FAF1: variants seen among roughly 807,000 people sequenced by gnomAD.
FAF1 encodes the protein Fas associated factor 1, also known as FAS-associated factor 1.
In FAF1, 25 loss-of-function variants were observed where a neutral mutation model predicts 92.5. That is an observed-to-expected ratio of 0.27 (90% confidence interval 0.20 to 0.38). FAF1 has a LOEUF of 0.38. Among genes scored for constraint, FAF1 ranks in the 10% least tolerant of loss-of-function variants. The pLI is 1.00. For missense variants in FAF1, 636 were observed against 793.3 expected (o/e 0.80, Z 2.38); for synonymous variants, 234 against 273.2 (o/e 0.86, Z 1.42).
At chr1:50,883,385 C>G (rs1041919149) in intron 1 of FAF1, among the ~76,000 whole-genome samples, 1 of 152,092 alleles carries the variant, frequency 6.6e-6, no homozygotes, top group Admixed American at 6.6e-5. Flanking sequence ...AACTAAATGA[C>G]CAAACTAAGT....
intron 8 of FAF1, among the ~76,000 whole-genome samples, chr1:50,614,641 A>G (rs1262998563): frequency 6.6e-6 from 1 of 152,106 alleles, no homozygotes; most frequent in Non-Finnish European, 1.5e-5. Flanking sequence ...GGAGTTCGAG[A>G]CCAGTCTGAC....
chr1:50,868,050 C>G (rs551612007), intron 1 of FAF1, among the ~76,000 whole-genome samples: 1 of 152,196 alleles, frequency 6.6e-6, no homozygotes, highest in East Asian at 1.9e-4. Context: ...AGTTGAAGAC[C>G]ATCATTCTAA....
chr1:50,674,290 C>T (rs558436020), intron 7 of FAF1, among the ~76,000 whole-genome samples: 1 of 152,052 alleles, frequency 6.6e-6, no homozygotes, highest in South Asian at 2.1e-4. Context: ...ATGACACATC[C>T]CTAAAAACTG....
intron 6 of FAF1, among the ~76,000 whole-genome samples, chr1:50,707,451 C>A (rs1657726795): frequency 6.6e-6 from 1 of 152,156 alleles, no homozygotes; most frequent in Non-Finnish European, 1.5e-5. Flanking sequence ...GCAATCCCAG[C>A]ACTTTGGGAG....
At chr1:50,793,799 C>A (rs1225753394) in intron 3 of FAF1, among the ~76,000 whole-genome samples, 1 of 152,130 alleles carries the variant, frequency 6.6e-6, no homozygotes. Context: ...AAGAACGATA[C>A]TACACTGATG....
chr1:50,466,127 T>C (rs1416795249), intron 18 of FAF1, among the ~76,000 whole-genome samples: 6 of 152,162 alleles, frequency 3.9e-5, no homozygotes, highest in Non-Finnish European at 7.3e-5. Flanking sequence ...ATTATAATAA[T>C]TTGAATAAGA....
intron 15 of FAF1, among the ~76,000 whole-genome samples, chr1:50,505,251 C>T (rs1647045254): frequency 6.6e-6 from 1 of 152,122 alleles, no homozygotes; most frequent in South Asian, 2.1e-4. Flanking sequence ...GGCTTTTGAA[C>T]AGACACCTCA....
chr1:50,465,134 C>T (rs973896375), intron 18 of FAF1, among the ~76,000 whole-genome samples: 2 of 152,208 alleles, frequency 1.3e-5, no homozygotes, highest in African/African-American at 4.8e-5. Flanking sequence ...CATTTAAGTG[C>T]CAGCTCTGCC....
chr1:50,601,718 C>A (rs574051553), intron 8 of FAF1, among the ~76,000 whole-genome samples: 6 of 145,478 alleles, frequency 4.1e-5, no homozygotes, highest in South Asian at 2.1e-4. Context: ...CACACACACA[C>A]TATATATATT....
chr1:50,535,576 A>T lies in FAF1; in HGVS notation c.1406-119T>A, dbSNP rs1283898539. On this transcript the variant is annotated intron_variant, in intron 14 of 18. Coordinates refer to ENST00000396153, the MANE Select transcript of FAF1 (RefSeq NM_007051.3). ...TTAACCAGAAAGGAATAATCAGTCT[A>T]AAAAAATTACAGTTAAAATACTTTT... The T allele has an allele frequency of 7.0e-6, 4 of 569,678 alleles. No individual in the cohort carries two copies. The East Asian group carries it at 8.6e-5, about 12-fold the overall frequency. 35.3% of individuals were successfully genotyped at this position (569,678 alleles called of 1,614,324 possible).
intron 18 of FAF1, among the ~76,000 whole-genome samples, chr1:50,463,670 C>T (rs953721001): frequency 5.3e-5 from 8 of 152,182 alleles, no homozygotes; most frequent in African/African-American, 1.9e-4. Flanking sequence ...GAAATGTCTG[C>T]ACAAGGTCTG....
intron 1 of FAF1, among the ~76,000 whole-genome samples, chr1:50,874,544 A>T (rs181973538): frequency 6.6e-6 from 1 of 152,120 alleles, no homozygotes. Flanking sequence ...TACTTTTCGT[A>T]GAAATGGAGT....
At chr1:50,509,993 C>T (rs1647112450) in intron 15 of FAF1, among the ~76,000 whole-genome samples, 1 of 151,842 alleles carries the variant, frequency 6.6e-6, no homozygotes, top group African/African-American at 2.4e-5. Context: ...CATGGTGAAA[C>T]CCTGTCTCTA....
chr1:50,721,086 A>G (rs1434092246), intron 6 of FAF1, among the ~76,000 whole-genome samples: 1 of 152,200 alleles, frequency 6.6e-6, no homozygotes, highest in Admixed American at 6.5e-5. Flanking sequence ...AAGACCCCAG[A>G]GGGTGGAGGG....
chr1:50,733,794 A>G (rs1659026868), intron 6 of FAF1, among the ~76,000 whole-genome samples: 1 of 152,202 alleles, frequency 6.6e-6, no homozygotes, highest in Non-Finnish European at 1.5e-5. Flanking sequence ...ACTTTGTTAT[A>G]GCAGCCCTAG....
rs55839847 is a variant in FAF1 at position 50,863,178 on chromosome 1, G to A, written c.46-5181C>T. On this transcript the variant is annotated intron_variant, in intron 1 of 18. Transcript: ENST00000396153. ...ATATCAAGTATTCTGTCAGACCACA[G>A]TAGAATAAAATTGGAAATCGACTCC... 8.0e-3 allele frequency among the ~76,000 whole-genome samples: 1,221 copies of A among 151,884 alleles called. 14 individuals are homozygous for A. The highest frequency in any genetic ancestry group is 0.028 in the African/African-American group (1,179 of 41,492).
intron 2 of FAF1, among the ~76,000 whole-genome samples, chr1:50,809,158 C>T (rs143388511): frequency 3.7e-3 from 567 of 152,170 alleles, no homozygotes; most frequent in African/African-American, 0.013. Context: ...TGAACACCCA[C>T]AGCAAAAAGT....
chr1:50,777,522 A>G (rs1179266269), intron 4 of FAF1, among the ~76,000 whole-genome samples: 1 of 152,192 alleles, frequency 6.6e-6, no homozygotes, highest in Non-Finnish European at 1.5e-5. Context: ...TCAACACTAT[A>G]AAAATATTTT....
At chr1:50,625,475 C>A (rs1304512421) in intron 8 of FAF1, among the ~76,000 whole-genome samples, 1 of 152,154 alleles carries the variant, frequency 6.6e-6, no homozygotes, top group Non-Finnish European at 1.5e-5. Context: ...GGTTAAGTCC[C>A]ACAATCAATG....
Sources: allele counts gnomAD v4.1 joint callset (sites outside exome capture counted in the v4.1 genomes callset), GRCh38; gene constraint gnomAD v4.1.1; transcripts MANE v1.5; gene names NCBI Gene and HGNC (gene_info 2026-07-23, HGNC 2026-07-21).